ARL8B: variants seen among roughly 807,000 people sequenced by gnomAD.
ARL8B encodes the protein ADP-ribosylation factor-like protein 8B.
A neutral mutation model predicts 30.6 loss-of-function variants in ARL8B; 9 were observed. The observed-to-expected ratio is 0.29, with a 90% CI of 0.18 to 0.51. ARL8B has a LOEUF of 0.51. Ranked by LOEUF, ARL8B falls within the 20% of genes least tolerant of loss-of-function variation. The pLI is 0.97. For missense variants in ARL8B, 130 were observed against 227.2 expected, an observed-to-expected ratio of 0.57 and a Z score of 2.75; for synonymous variants, 74 against 76.0, an observed-to-expected ratio of 0.97 and a Z score of 0.14.
intron 1 of ARL8B, among the ~76,000 whole-genome samples, chr3:5,162,791 G>A (rs539339146): frequency 6.6e-6 from 1 of 152,106 alleles, no homozygotes; most frequent in Non-Finnish European, 1.5e-5. Context: ...TGGATTCAGT[G>A]GAACATGGGC....
intron 1 of ARL8B, among the ~76,000 whole-genome samples, chr3:5,165,920 T>C (rs2054619974): frequency 6.6e-6 from 1 of 152,240 alleles, no homozygotes; most frequent in African/African-American, 2.4e-5. Context: ...CACTGTGTTC[T>C]TTCCAGTGTC....
intron 1 of ARL8B, among the ~76,000 whole-genome samples, chr3:5,131,422 ACTCTGTCACCCAGG>A (rs2106554163): frequency 6.6e-6 from 1 of 150,768 alleles, no homozygotes; most frequent in African/African-American, 2.4e-5. Context: ...ACAGAGTCTC[ACTCTGTCACCCAGG>A]CTGGAGTGCA....
intron 1 of ARL8B, among the ~76,000 whole-genome samples, chr3:5,147,427 C>G (rs1217469815): frequency 2.6e-5 from 4 of 152,138 alleles, no homozygotes; most frequent in Non-Finnish European, 4.4e-5. Context: ...TGGGTTGGTT[C>G]CAAGTCTTTG....
At position 5,178,736 on chromosome 3, in the gene ARL8B, T is replaced by C; in HGVS notation, c.*23T>C. ...TGAAGCATCTCCTGAAGTCTTCCAG[T>C]CCTTCTTGGCTATAATCCTAGAATT... is the stretch of plus-strand genomic sequence containing the variant. On this transcript the variant is annotated 3_prime_UTR_variant, in exon 7 of 7. Transcript: ENST00000256496. The C allele has an allele frequency of 6.2e-7, 1 of 1,611,688 alleles. No individual in the cohort carries two copies. Among genetic ancestry groups the C allele is most frequent in the Non-Finnish European group, 8.5e-7 (1 of 1,179,558 alleles).
chr3:5,134,025 C>T (rs754642904), intron 1 of ARL8B, among the ~76,000 whole-genome samples: 4 of 152,140 alleles, frequency 2.6e-5, no homozygotes, highest in Non-Finnish European at 4.4e-5. Flanking sequence ...AAATGACAGG[C>T]TATGAATGCT....
chr3:5,127,553 T>C (rs2054240902), intron 1 of ARL8B, among the ~76,000 whole-genome samples: 1 of 152,112 alleles, frequency 6.6e-6, no homozygotes, highest in Non-Finnish European at 1.5e-5. Context: ...GGAGAAGGAA[T>C]GATAATCTGT....
At chr3:5,127,337 C>G (rs755227620) in intron 1 of ARL8B, among the ~76,000 whole-genome samples, 2 of 152,150 alleles carry the variant, frequency 1.3e-5, no homozygotes, top group African/African-American at 4.8e-5. Context: ...AGATCTTAAT[C>G]CATTAAACAT....
rs1218154759 is a variant in ARL8B at position 5,122,486 on chromosome 3, C to T, written c.21C>T (p.Arg7=). 1.2e-6 allele frequency: 2 copies of T among 1,613,618 alleles called. No individual in the cohort carries two copies. The highest frequency in any genetic ancestry group is 8.5e-7 in the Non-Finnish European group (1 of 1,179,778). MLALIS[R]LLDWFRSLFW... is the part of the protein sequence containing the mutation. ...CCATCATGCTGGCGCTCATCTCCCG[C>T]CTGCTGGACTGGTTCCGTTCGCTCT... Residue 7 remains arginine (R), a synonymous_variant, in exon 1 of 7, where the codon CGC becomes CGT. Coordinates refer to ENST00000256496, the MANE Select transcript of ARL8B (RefSeq NM_018184.3).
intron 1 of ARL8B, among the ~76,000 whole-genome samples, chr3:5,127,971 T>C (rs2054247430): frequency 6.8e-6 from 1 of 147,434 alleles, no homozygotes; most frequent in African/African-American, 2.5e-5. Context: ...GGCCGGATCA[T>C]GAGGTCAGGA....
At chr3:5,157,128 G>A (rs1006494211) in intron 1 of ARL8B, 1 of 152,172 alleles carries the variant, frequency 6.6e-6, no homozygotes, top group African/African-American at 2.4e-5. Flanking sequence ...GTTCTAATAT[G>A]ATGTTAGTTT....
At chr3:5,146,075 C>CT (rs2054416336) in intron 1 of ARL8B, among the ~76,000 whole-genome samples, 1 of 152,176 alleles carries the variant, frequency 6.6e-6, no homozygotes, top group African/African-American at 2.4e-5. Context: ...AGGACTTTTT[C>CT]TAAGACTTGA....
chr3:5,125,517 C>G (rs2054222616), intron 1 of ARL8B, among the ~76,000 whole-genome samples: 1 of 146,182 alleles, frequency 6.8e-6, no homozygotes, highest in African/African-American at 2.6e-5. Flanking sequence ...TCAAAGTGAA[C>G]CAGTGGCTCC....
intron 4 of ARL8B, 43 bp downstream of exon 4, chr3:5,172,783 T>A: frequency 1.7e-6 from 2 of 1,149,942 alleles, no homozygotes; most frequent in East Asian, 4.9e-5. Flanking sequence ...AATTATATAA[T>A]GATATTAATT....
At chr3:5,125,872 G>A (rs1402047221) in intron 1 of ARL8B, among the ~76,000 whole-genome samples, 1 of 152,072 alleles carries the variant, frequency 6.6e-6, no homozygotes, top group Non-Finnish European at 1.5e-5. Context: ...AATTGTAATG[G>A]TGTGGGTAGC....
At chr3:5,130,503 G>A (rs2106553692) in intron 1 of ARL8B, among the ~76,000 whole-genome samples, 1 of 151,816 alleles carries the variant, frequency 6.6e-6, no homozygotes, top group South Asian at 2.1e-4. Flanking sequence ...TATTATAGTG[G>A]GATGCTGCTT....
chr3:5,124,431 A>G (rs928797208), intron 1 of ARL8B, among the ~76,000 whole-genome samples: 2 of 151,556 alleles, frequency 1.3e-5, no homozygotes, highest in Non-Finnish European at 2.9e-5. Flanking sequence ...TAATGAGGAA[A>G]CATGAACTTC....
chr3:5,134,952 A>T (rs1247612077), intron 1 of ARL8B, among the ~76,000 whole-genome samples: 6 of 152,126 alleles, frequency 3.9e-5, no homozygotes, highest in African/African-American at 4.8e-5. Flanking sequence ...GGTTCATGCG[A>T]TTCTTGTGCC....
intron 1 of ARL8B, among the ~76,000 whole-genome samples, chr3:5,145,925 T>C (rs778827211): frequency 9.9e-5 from 15 of 152,174 alleles, no homozygotes; most frequent in Non-Finnish European, 1.6e-4. Context: ...CTGCAGTTTG[T>C]TTTTAGAGAC....
intron 1 of ARL8B, among the ~76,000 whole-genome samples, chr3:5,155,390 T>C (rs1398485596): frequency 6.6e-6 from 1 of 152,176 alleles, no homozygotes; most frequent in Non-Finnish European, 1.5e-5. Flanking sequence ...CTCTTTAAGT[T>C]CATCCTACTT....
Sources: allele counts gnomAD v4.1 joint callset (sites outside exome capture counted in the v4.1 genomes callset), GRCh38; gene constraint gnomAD v4.1.1; transcripts MANE v1.5; gene names NCBI Gene and HGNC (gene_info 2026-07-23, HGNC 2026-07-21).